Variants in DLGAP1 observed in about 807,000 individuals in gnomAD.
The protein encoded by DLGAP1 is disks large-associated protein 1.
Under a neutral mutation model 90.8 loss-of-function variants are expected in DLGAP1, and 11 were observed. The ratio of observed to expected loss-of-function variants is 0.12; its 90% CI spans 0.08 to 0.20. The LOEUF is 0.20. DLGAP1 is among the 10% of genes least tolerant of loss of function. The pLI, the probability that DLGAP1 is intolerant of heterozygous loss-of-function variation, is 1.00. For missense variants in DLGAP1, 1,050 were observed against 1,333.8 expected, an observed-to-expected ratio of 0.79 and a Z score of 3.31; for synonymous variants, 558 against 540.7, an observed-to-expected ratio of 1.03 and a Z score of -0.44.
At chr18:4,282,525 A>G (rs550923104) in intron 1 of DLGAP1, among the ~76,000 whole-genome samples, 2 of 152,354 alleles carry the variant, frequency 1.3e-5, no homozygotes, top group East Asian at 3.9e-4. Flanking sequence ...AAAGCCATAA[A>G]TTAATCTTAA....
In DLGAP1 at chr18:3,814,064, T is replaced by C. The variant is rs776453224; in HGVS notation, c.1167A>G (p.Thr389=). 5 of 1,613,820 alleles carry C rather than the reference T, an allele frequency of 3.1e-6. No homozygotes were observed. In the Admixed American group the frequency reaches 6.7e-5, roughly 22 times the overall value. The change falls in exon 5 of 13, where the codon ACA becomes ACG. Residue 389 remains threonine, a synonymous_variant. Coordinates refer to ENST00000315677, the MANE Select transcript of DLGAP1 (RefSeq NM_004746.4). ...GCAGGGTTAGGACTACTCACTTGAGTGTGGTGAGTTCTGTAAGGGATGGCT... is the reference window on the plus strand; with the variant it reads ...GCAGGGTTAGGACTACTCACTTGAGCGTGGTGAGTTCTGTAAGGGATGGCT... ...ATQPSLTELT[T]LKISNEHSPK... is the part of the protein sequence containing the mutation.
chr18:4,397,036 A>G (rs1354911977), intron 1 of DLGAP1, among the ~76,000 whole-genome samples: 1 of 152,210 alleles, frequency 6.6e-6, no homozygotes, highest in Admixed American at 6.5e-5. Context: ...TTCTGATCCC[A>G]GGGTTACTCA....
At chr18:4,257,583 C>A (rs2078914310) in intron 1 of DLGAP1, among the ~76,000 whole-genome samples, 1 of 152,016 alleles carries the variant, frequency 6.6e-6, no homozygotes, top group African/African-American at 2.4e-5. Flanking sequence ...TGGTTGAAGA[C>A]CTAAAGCTCT....
chr18:3,561,510 C>T (rs1205042181), intron 9 of DLGAP1, among the ~76,000 whole-genome samples: 2 of 147,914 alleles, frequency 1.4e-5, no homozygotes, highest in African/African-American at 5.1e-5. Context: ...CATTTTCCTT[C>T]TCTCAGAAGA....
intron 11 of DLGAP1, 58 bp downstream of exon 11, chr18:3,508,512 G>A: frequency 7.6e-7 from 1 of 1,321,142 alleles, no homozygotes; most frequent in South Asian, 1.4e-5. Context: ...GCCAGTCTTG[G>A]TGACATGTTC....
intron 2 of DLGAP1, among the ~76,000 whole-genome samples, chr18:4,079,728 G>A (rs2075577710): frequency 6.6e-6 from 1 of 151,238 alleles, no homozygotes; most frequent in Non-Finnish European, 1.5e-5. Flanking sequence ...GAAAATCAGT[G>A]TGTGTATGTG....
rs143869605 is a variant in DLGAP1 at position 3,523,153 on chromosome 18, A to G, written c.2479+11041T>C. On this transcript the variant is annotated intron_variant, in intron 10 of 12. Transcript: ENST00000315677. ...TTTGGGACGCTGAGGTAGGTGGATC[A>G]CTTGAGGTCAGCAGTTCAAGACCAG... 7.7e-3 allele frequency among the ~76,000 whole-genome samples: 1,172 copies of G among 152,150 alleles called. 18 individuals carry two copies. Among genetic ancestry groups the G allele is most frequent in the African/African-American group, 0.027 (1,110 of 41,502 alleles).
chr18:4,341,247 C>T (rs944546876), intron 1 of DLGAP1, among the ~76,000 whole-genome samples: 1 of 151,802 alleles, frequency 6.6e-6, no homozygotes, highest in African/African-American at 2.4e-5. Flanking sequence ...TCTTATGAAG[C>T]AAAAACAGGA....
rs145056022 is a variant in DLGAP1, at chr18:4,099,971, G to T, written c.-159+51209C>A. Among the ~76,000 whole-genome samples the T allele has an allele frequency of 4.6e-3, 697 of 152,146 alleles. 1 individual carries two copies. Among genetic ancestry groups the T allele is most frequent in the African/African-American group, 0.016 (653 of 41,488 alleles). ...GGCCTCAAGTGATCCTCCCACCTTG[G>T]CCTCCCAAAGTGCTGGGACTACAGG... is the stretch of plus-strand genomic sequence containing the variant. On this transcript the variant is annotated intron_variant, in intron 2 of 12. Transcript: ENST00000315677.
chr18:3,709,091 G>A (rs1015285454), intron 7 of DLGAP1, among the ~76,000 whole-genome samples: 6 of 152,138 alleles, frequency 3.9e-5, no homozygotes, highest in Non-Finnish European at 5.9e-5. Context: ...TTATACAACC[G>A]TGGAAAAAAC....
At chr18:3,888,678 A>G (rs2071384572) in intron 3 of DLGAP1, among the ~76,000 whole-genome samples, 1 of 152,194 alleles carries the variant, frequency 6.6e-6, no homozygotes, top group African/African-American at 2.4e-5. Context: ...ACAGTTTTTG[A>G]GAATAAAAAG....
chr18:3,943,142 G>T (rs1029211715), intron 3 of DLGAP1, among the ~76,000 whole-genome samples: 1 of 151,944 alleles, frequency 6.6e-6, no homozygotes, highest in African/African-American at 2.4e-5. Flanking sequence ...TAGTTCCCTG[G>T]CATCAATCTC....
At chr18:4,187,708 A>C (rs1199609139) in intron 1 of DLGAP1, among the ~76,000 whole-genome samples, 3 of 152,130 alleles carry the variant, frequency 2.0e-5, no homozygotes, top group Non-Finnish European at 4.4e-5. Context: ...ATTTTAAATT[A>C]AATTGTCAGC....
At chr18:3,840,858 A>G (rs186047835) in intron 4 of DLGAP1, among the ~76,000 whole-genome samples, 2 of 152,342 alleles carry the variant, frequency 1.3e-5, no homozygotes, top group East Asian at 1.9e-4. Context: ...GGTCTGTTCA[A>G]CTGGAAAGCT....
intron 1 of DLGAP1, among the ~76,000 whole-genome samples, chr18:4,434,515 A>T (rs2083358573): frequency 6.6e-6 from 1 of 152,170 alleles, no homozygotes; most frequent in African/African-American, 2.4e-5. Context: ...CAAGGCTGCC[A>T]GCACCCAGTT....
intron 1 of DLGAP1, among the ~76,000 whole-genome samples, chr18:4,446,809 C>T (rs2083679130): frequency 2.6e-5 from 4 of 151,968 alleles, no homozygotes; most frequent in Admixed American, 2.6e-4. Context: ...CTCTGGTATC[C>T]AGAATATATA....
At chr18:3,772,344 CTCTCTT>C (rs1191524618) in intron 5 of DLGAP1, among the ~76,000 whole-genome samples, 43 of 15,210 alleles carry the variant, frequency 2.8e-3, no homozygotes, top group African/African-American at 5.5e-3. Context: ...CTCTCTCTCT[CTCTCTT>C]TCTTTCTTTC....
chr18:4,032,692 T>A (rs2074815890), intron 2 of DLGAP1, among the ~76,000 whole-genome samples: 1 of 152,108 alleles, frequency 6.6e-6, no homozygotes. Flanking sequence ...GAAGCCAAAG[T>A]TTTAAGGTGT....
Position 3,671,276 on chromosome 18 carries a change from A to G in DLGAP1, c.1591+57859T>C, listed in dbSNP as rs185544161. Among the ~76,000 whole-genome samples the G allele has an allele frequency of 6.6e-5, 10 of 151,638 alleles. No individual in the cohort carries two copies. The East Asian group carries it at 1.9e-3, about 29-fold the overall frequency. ...TTGATCACACAGCTCATGGTTGCCT[A>G]GGATCATAACACCCCTATCTCTCTC... On this transcript the variant is annotated intron_variant, in intron 7 of 12. Transcript: ENST00000315677.
Sources: allele counts gnomAD v4.1 joint callset (sites outside exome capture counted in the v4.1 genomes callset), GRCh38; gene constraint gnomAD v4.1.1; transcripts MANE v1.5; gene names NCBI Gene and HGNC (gene_info 2026-07-23, HGNC 2026-07-21).